Variants in SLC26A7 observed in about 807,000 individuals in gnomAD.
The protein encoded by SLC26A7 is solute carrier family 26 member 7.
In SLC26A7, 59 loss-of-function variants were observed where a neutral mutation model predicts 82.5. The ratio of observed to expected loss-of-function variants is 0.72; its 90% CI spans 0.58 to 0.89. The LOEUF is 0.89. Among genes scored for constraint, SLC26A7 ranks in the 40% least tolerant of loss-of-function variants. The pLI is 0.00. For synonymous variants in SLC26A7, 271 were observed against 274.3 expected (o/e 0.99, Z 0.12); for missense variants, 820 against 793.0 (o/e 1.03, Z -0.41).
intron 15 of SLC26A7, among the ~76,000 whole-genome samples, chr8:91,378,349 A>G (rs1814573757): frequency 6.8e-6 from 1 of 147,508 alleles, no homozygotes; most frequent in Non-Finnish European, 1.5e-5. Flanking sequence ...ATATATAATT[A>G]CATTATAATG....
At chr8:91,219,539 A>C (rs1810124707) in intron 2 of SLC26A7, among the ~76,000 whole-genome samples, 1 of 152,142 alleles carries the variant, frequency 6.6e-6, no homozygotes, top group African/African-American at 2.4e-5. Flanking sequence ...TTTTAAAAAA[A>C]CTTTTTACAC....
At chr8:91,261,274 GACA>G (rs1334866679) in intron 2 of SLC26A7, among the ~76,000 whole-genome samples, 1 of 152,096 alleles carries the variant, frequency 6.6e-6, no homozygotes, top group Non-Finnish European at 1.5e-5. Context: ...AGGAGTATAA[GACA>G]ACAATCCAGC....
chr8:91,362,231 A>G, intron 11 of SLC26A7, 122 bp from the exon 12 acceptor site: 1 of 634,494 alleles, frequency 1.6e-6, no homozygotes, highest in Non-Finnish European at 2.7e-6. Context: ...GTTAAATAAT[A>G]TTTTCTTGCT....
chr8:91,303,625 G>T (rs1812226414), intron 4 of SLC26A7, among the ~76,000 whole-genome samples: 1 of 151,830 alleles, frequency 6.6e-6, no homozygotes, highest in African/African-American at 2.4e-5. Context: ...CTTGTATTAT[G>T]ATACTAGTGC....
chr8:91,393,715 T>C, intron 16 of SLC26A7, 82 bp from the exon 17 acceptor site: 1 of 1,458,732 alleles, frequency 6.9e-7, no homozygotes, highest in Non-Finnish European at 9.5e-7. Context: ...TAAAGAAAGT[T>C]TGATTTCTTC....
chr8:91,397,104 T>C lies in SLC26A7; in HGVS notation c.*2007T>C, dbSNP rs1391971652. The C allele has an allele frequency of 6.6e-6, 1 of 152,062 alleles. No individual in the cohort carries two copies. Among genetic ancestry groups the C allele is most frequent in the African/African-American group, 2.4e-5 (1 of 41,420 alleles). 9.4% of individuals were successfully genotyped at this position (152,062 alleles called of 1,614,324 possible). A position where few individuals can be genotyped will look rare whatever the true frequency, so the allele number is the denominator to read the frequency against. On this transcript the variant is annotated 3_prime_UTR_variant, in exon 19 of 19. Coordinates refer to ENST00000276609, the MANE Select transcript of SLC26A7 (RefSeq NM_052832.4). ...ATATTTTAATGCATTTCAGTGTTTA[T>C]AGTAGAAGTTTAGTGGATAAAACTT...
At chr8:91,351,232 T>A (rs1350676065) in intron 9 of SLC26A7, among the ~76,000 whole-genome samples, 1 of 152,136 alleles carries the variant, frequency 6.6e-6, no homozygotes, top group Non-Finnish European at 1.5e-5. Flanking sequence ...GGTTAGAACA[T>A]GATACTAATG....
intron 2 of SLC26A7, among the ~76,000 whole-genome samples, chr8:91,281,637 A>C (rs1306442738): frequency 6.6e-6 from 1 of 152,186 alleles, no homozygotes; most frequent in Non-Finnish European, 1.5e-5. Context: ...TAGGATGTGA[A>C]AGTTTCCCAA....
At position 91,249,555 on chromosome 8, in the gene SLC26A7, C is replaced by T. The variant is rs1810600429; in HGVS notation, c.-97C>T. 2 of 996,344 alleles carry T rather than the reference C, an allele frequency of 2.0e-6. No homozygotes were observed. The highest frequency in any genetic ancestry group is 2.6e-5 in the South Asian group (1 of 38,374). The allele number at this position is 996,344 out of a possible 1,614,324, so 61.7% of individuals were successfully genotyped here. A position where few individuals can be genotyped will look rare whatever the true frequency, so the allele number is the denominator to read the frequency against. On this transcript the variant is annotated 5_prime_UTR_variant, in exon 2 of 19. Transcript: ENST00000276609. ...TCTGGGCAGCTTTGACATTGTAAAC[C>T]ACAGACGAATTGGAGCTTGGCATTG...
At chr8:91,328,523 A>T (rs1171481594) in intron 5 of SLC26A7, among the ~76,000 whole-genome samples, 1 of 152,090 alleles carries the variant, frequency 6.6e-6, no homozygotes, top group Middle Eastern at 3.2e-3. Flanking sequence ...AAGAGTCTGG[A>T]TCCTTTCTCT....
At chr8:91,364,021 G>A (rs1019148046) in intron 13 of SLC26A7, among the ~76,000 whole-genome samples, 3 of 149,742 alleles carry the variant, frequency 2.0e-5, no homozygotes, top group Non-Finnish European at 4.4e-5. Context: ...GCTACAGAAT[G>A]CCAATAGAAT....
chr8:91,289,648 A>T (rs1811809757), intron 3 of SLC26A7, among the ~76,000 whole-genome samples: 1 of 146,062 alleles, frequency 6.8e-6, no homozygotes, highest in Non-Finnish European at 1.5e-5. Flanking sequence ...CTGTCTCAAG[A>T]AAAAAAAAAA....
At position 91,397,459 on chromosome 8, in the gene SLC26A7, C is replaced by T. The variant is rs1388396738; in HGVS notation, c.*2362C>T. 1.3e-5 allele frequency: 2 copies of T among 152,442 alleles called. No homozygotes were observed. The highest frequency in any genetic ancestry group is 2.9e-5 in the Non-Finnish European group (2 of 67,946). 9.4% of individuals were successfully genotyped at this position (152,442 alleles called of 1,614,324 possible). ...CCTTATTTTTATATATGACAAACTA[C>T]TTCTATAATGCTTATTATGGTAAAA... On this transcript the variant is annotated 3_prime_UTR_variant, in exon 19 of 19. Coordinates refer to ENST00000276609, the MANE Select transcript of SLC26A7 (RefSeq NM_052832.4).
intron 2 of SLC26A7, among the ~76,000 whole-genome samples, chr8:91,252,320 G>A (rs1810681423): frequency 6.6e-6 from 1 of 151,868 alleles, no homozygotes; most frequent in Non-Finnish European, 1.5e-5. Flanking sequence ...ATTCATTTGA[G>A]TGTTTTCTAT....
At chr8:91,388,865 T>C (rs1814875286) in intron 15 of SLC26A7, among the ~76,000 whole-genome samples, 2 of 152,150 alleles carry the variant, frequency 1.3e-5, no homozygotes, top group African/African-American at 4.8e-5. Flanking sequence ...ATGGAGTTTT[T>C]TTTTTTTAGA....
chr8:91,366,842 C>T (rs1814209197), intron 14 of SLC26A7, 125 bp downstream of exon 14: 2 of 1,074,866 alleles, frequency 1.9e-6, no homozygotes, highest in East Asian at 4.9e-5. Flanking sequence ...TTCAGCAAAA[C>T]CTATGATTAT....
chr8:91,280,567 C>G (rs3923273), intron 2 of SLC26A7, among the ~76,000 whole-genome samples: 104,927 of 152,030 alleles, frequency 0.69, 36,796 homozygotes, highest in Non-Finnish European at 0.76. Flanking sequence ...GCCACCAGTG[C>G]TCTCTCTCTT....
At chr8:91,228,288 C>T (rs963964386) in intron 2 of SLC26A7, among the ~76,000 whole-genome samples, 2 of 152,044 alleles carry the variant, frequency 1.3e-5, no homozygotes, top group African/African-American at 2.4e-5. Context: ...TAGGTGTTGG[C>T]GAGTGAGGAA....
chr8:91,366,810 C>A, intron 14 of SLC26A7, 93 bp downstream of exon 14: 1 of 1,359,800 alleles, frequency 7.4e-7, no homozygotes, highest in Non-Finnish European at 1.0e-6. Context: ...ATACATCACA[C>A]GAGTATTTCG....
Sources: gnomAD v4.1 joint callset for allele counts (sites outside exome capture counted in the v4.1 genomes callset) on GRCh38, gnomAD v4.1.1 for gene constraint, MANE v1.5 for transcripts, NCBI Gene and HGNC (gene_info 2026-07-23, HGNC 2026-07-21) for gene names.